Variants in UMAD1 observed in about 807,000 individuals in gnomAD.
UMAD1 encodes the protein UBAP1-MVB12-associated (UMA)-domain containing protein 1.
In UMAD1, 8 loss-of-function variants were observed where a neutral mutation model predicts 6.1. The ratio of observed to expected loss-of-function variants is 1.30; its 90% confidence interval spans 0.76 to 2.35. The LOEUF is 2.35. Among genes scored for constraint, UMAD1 ranks in the 30% most tolerant of loss-of-function variants. UMAD1 has a pLI of 0.00. For missense variants in UMAD1, 130 were observed against 78.4 expected, an observed-to-expected ratio of 1.66 and a Z score of -2.49; for synonymous variants, 56 against 31.4, an observed-to-expected ratio of 1.78 and a Z score of -2.61.
intron 2 of UMAD1, among the ~76,000 whole-genome samples, chr7:7,730,294 G>C (rs1209505915): frequency 1.3e-5 from 2 of 152,124 alleles, no homozygotes; most frequent in Admixed American, 6.5e-5. Context: ...TAGAGATTTT[G>C]ATGTAATTGG....
intron 1 of UMAD1, among the ~76,000 whole-genome samples, chr7:7,649,517 C>T (rs866788386): frequency 2.4e-4 from 37 of 152,298 alleles, no homozygotes; most frequent in African/African-American, 8.7e-4. Context: ...CATATTCAAA[C>T]CACAGCAGGA....
chr7:7,709,689 G>A (rs1336767568), intron 2 of UMAD1, among the ~76,000 whole-genome samples: 4 of 152,098 alleles, frequency 2.6e-5, no homozygotes, highest in African/African-American at 9.7e-5. Flanking sequence ...TTTTTTACCT[G>A]CTGAGGGTAA....
intron 2 of UMAD1, among the ~76,000 whole-genome samples, chr7:7,707,492 T>A (rs1237786867): frequency 6.6e-6 from 1 of 152,206 alleles, no homozygotes; most frequent in Non-Finnish European, 1.5e-5. Flanking sequence ...GAATGCCATA[T>A]GCTCTCAAAT....
chr7:7,653,749 T>C (rs1254212054), intron 1 of UMAD1, among the ~76,000 whole-genome samples: 2 of 152,220 alleles, frequency 1.3e-5, no homozygotes, highest in Admixed American at 1.3e-4. Flanking sequence ...CCCTTTCTTG[T>C]AATGTCTTGG....
chr7:7,800,582 C>G (rs191643825), intron 2 of UMAD1, among the ~76,000 whole-genome samples: 162 of 152,210 alleles, frequency 1.1e-3, no homozygotes, highest in African/African-American at 3.7e-3. Context: ...TCTTTTATCC[C>G]TCACCCTCTC....
intron 2 of UMAD1, among the ~76,000 whole-genome samples, chr7:7,733,827 A>T (rs189626229): frequency 2.0e-4 from 30 of 152,000 alleles, no homozygotes; most frequent in African/African-American, 7.2e-4. Context: ...ACCAAGACAG[A>T]TTTCCCACAT....
intron 2 of UMAD1, chr7:7,738,788 A>G (rs1289775093): frequency 6.6e-6 from 1 of 152,270 alleles, no homozygotes; most frequent in African/African-American, 2.4e-5. Flanking sequence ...TCTCAGCAGT[A>G]AAGTGCCAGT....
At chr7:7,678,476 T>G (rs1242899505) in intron 2 of UMAD1, among the ~76,000 whole-genome samples, 1 of 142,374 alleles carries the variant, frequency 7.0e-6, no homozygotes, top group African/African-American at 2.6e-5. Flanking sequence ...TATTTATATA[T>G]TTAATTTATA....
At chr7:7,735,045 T>C (rs971931208) in intron 2 of UMAD1, among the ~76,000 whole-genome samples, 1 of 152,016 alleles carries the variant, frequency 6.6e-6, no homozygotes, top group Non-Finnish European at 1.5e-5. Flanking sequence ...TGTCATGAAA[T>C]ACTTATGCCT....
intron 2 of UMAD1, among the ~76,000 whole-genome samples, chr7:7,801,187 G>A (rs1782792202): frequency 6.6e-6 from 1 of 152,132 alleles, no homozygotes; most frequent in African/African-American, 2.4e-5. Flanking sequence ...ATTCTTTCCT[G>A]CTGTAAGGAT....
At chr7:7,781,378 T>TC (rs1782340268) in intron 2 of UMAD1, among the ~76,000 whole-genome samples, 2 of 151,814 alleles carry the variant, frequency 1.3e-5, no homozygotes, top group African/African-American at 4.8e-5. Context: ...TTTCTTTTTT[T>TC]TTTAGTGGAA....
chr7:7,821,257 A>T (rs1233319401), intron 3 of UMAD1, among the ~76,000 whole-genome samples: 2 of 152,202 alleles, frequency 1.3e-5, no homozygotes, highest in African/African-American at 4.8e-5. Context: ...GAGCACTTGA[A>T]ATGTGACTAG....
Position 7,818,360 on chromosome 7 carries a change from C to T in UMAD1, c.156+16617C>T, listed in dbSNP as rs753966982. Among the ~76,000 whole-genome samples the T allele has an allele frequency of 8.5e-5, 13 of 152,212 alleles. No homozygotes were observed. In the East Asian group the frequency reaches 1.7e-3, roughly 20 times the overall value. ...AGTATTCCATGGTTTATGTGTACCA[C>T]GTGAACAGACACTTTGCAAAAGACA... On this transcript the variant is annotated intron_variant, in intron 3 of 3. Coordinates refer to ENST00000682710, the MANE Select transcript of UMAD1 (RefSeq NM_001302348.2).
chr7:7,715,453 A>C (rs1262418559), intron 2 of UMAD1, among the ~76,000 whole-genome samples: 2 of 152,150 alleles, frequency 1.3e-5, no homozygotes, highest in African/African-American at 4.8e-5. Context: ...AGGGAAGTGC[A>C]CTCTTATTTC....
At chr7:7,654,254 G>A (rs941187006) in intron 1 of UMAD1, among the ~76,000 whole-genome samples, 1 of 152,194 alleles carries the variant, frequency 6.6e-6, no homozygotes, top group Non-Finnish European at 1.5e-5. Flanking sequence ...AAGTAATGGA[G>A]GAGAGTAAAA....
In UMAD1 at chr7:7,878,520, ATTAC is replaced by A. The variant is rs1784466344; in HGVS notation, c.*989_*992del. The A allele has an allele frequency of 6.6e-6, 1 of 152,214 alleles. No homozygotes were observed. Among genetic ancestry groups the A allele is most frequent in the Non-Finnish European group, 1.5e-5 (1 of 68,032 alleles). The allele number at this position is 152,214 out of a possible 1,614,324, so 9.4% of individuals were successfully genotyped here. A position where few individuals can be genotyped will look rare whatever the true frequency, so the allele number is the denominator to read the frequency against. On this transcript the variant is annotated 3_prime_UTR_variant, in exon 4 of 4. Transcript: ENST00000682710. ...TATGACTTTTAGTTCTTGAATATCCATTACTTACTTTAATGAAAACAGAACTGCC... is the reference window on the plus strand; with the variant it reads ...TATGACTTTTAGTTCTTGAATATCCATTACTTTAATGAAAACAGAACTGCC...
At chr7:7,723,210 A>C (rs114865777) in intron 2 of UMAD1, among the ~76,000 whole-genome samples, 2,243 of 152,284 alleles carry the variant, frequency 0.015, 56 homozygotes, top group African/African-American at 0.043. Context: ...GAACTGCTTA[A>C]ATTTTTCAGT....
chr7:7,683,948 A>G (rs554544644), intron 2 of UMAD1, among the ~76,000 whole-genome samples: 4 of 152,188 alleles, frequency 2.6e-5, no homozygotes, highest in Admixed American at 2.6e-4. Context: ...TGAGTAATAT[A>G]CAGTTTTCCC....
At chr7:7,733,824 C>T (rs368662888) in intron 2 of UMAD1, among the ~76,000 whole-genome samples, 114 of 151,796 alleles carry the variant, frequency 7.5e-4, no homozygotes, top group African/African-American at 2.6e-3. Flanking sequence ...TACACCAAGA[C>T]AGATTTCCCA....
Sources: allele counts gnomAD v4.1 joint callset (sites outside exome capture counted in the v4.1 genomes callset), GRCh38; gene constraint gnomAD v4.1.1; transcripts MANE v1.5; gene names NCBI Gene and HGNC (gene_info 2026-07-23, HGNC 2026-07-21).